MRPS18B: variants seen among roughly 807,000 people sequenced by gnomAD.
MRPS18B encodes the protein small ribosomal subunit protein mS40.
A neutral mutation model predicts 28.4 loss-of-function variants in MRPS18B; 27 were observed. The ratio of observed to expected loss-of-function variants is 0.95; its 90% CI spans 0.70 to 1.31. MRPS18B has a LOEUF of 1.31. MRPS18B is among the 40% of genes most tolerant of loss of function. The pLI is 0.00. For synonymous variants in MRPS18B, 118 were observed against 123.7 expected (o/e 0.95, Z 0.30); for missense variants, 343 against 335.9 (o/e 1.02, Z -0.17).
chr6:30,624,787 C>T, intron 5 of MRPS18B, 96 bp from the exon 6 acceptor site: 1 of 1,398,538 alleles, frequency 7.2e-7, no homozygotes, highest in South Asian at 1.2e-5. Context: ...TAGGTAAAGC[C>T]AATCCTTCCC....
chr6:30,617,977 A>G (rs749305058), intron 1 of MRPS18B, 34 bp downstream of exon 1: 18 of 1,610,664 alleles, frequency 1.1e-5, no homozygotes, highest in Non-Finnish European at 1.4e-5. Flanking sequence ...CACAACCTCA[A>G]GTTGGTTATA....
In MRPS18B at chr6:30,620,509, G is replaced by T. The variant is rs187381218; in HGVS notation, c.354+520G>T. ...AGCCTTTTACCTTCTACTATGGATT[G>T]TACTGAAAGTTTTATCCTATGCCTA... On this transcript the variant is annotated intron_variant, in intron 4 of 6. Transcript: ENST00000259873. Among the ~76,000 whole-genome samples, 6 of 151,770 alleles carry T rather than the reference G, an allele frequency of 4.0e-5. 1 individual carries two copies. In the East Asian group the frequency reaches 1.2e-3, roughly 29 times the overall value.
At chr6:30,620,479 C>T (rs180879799) in intron 4 of MRPS18B, among the ~76,000 whole-genome samples, 2 of 152,220 alleles carry the variant, frequency 1.3e-5, no homozygotes, top group Admixed American at 6.5e-5. Context: ...TAAAAACATC[C>T]CTCCAGCCTT....
chr6:30,624,318 ACTC>A (rs915398212), intron 5 of MRPS18B, among the ~76,000 whole-genome samples: 2 of 148,684 alleles, frequency 1.3e-5, no homozygotes. Context: ...CTGGTCTTGA[ACTC>A]CTGACCTCAA....
chr6:30,619,420 C>A, intron 1 of MRPS18B, 73 bp from the exon 2 acceptor site: 1 of 1,275,076 alleles, frequency 7.8e-7, no homozygotes, highest in Non-Finnish European at 1.1e-6. Context: ...TCCTCCTTTC[C>A]AAAGTGTGAT....
chr6:30,619,430 TAAGC>T, intron 1 of MRPS18B, 59 bp from the exon 2 acceptor site: 2 of 1,379,288 alleles, frequency 1.5e-6, no homozygotes, highest in Non-Finnish European at 2.0e-6. Context: ...CAAAGTGTGA[TAAGC>T]AAAACAATTT....
chr6:30,621,653 A>C (rs1761166539), intron 4 of MRPS18B, among the ~76,000 whole-genome samples: 1 of 152,150 alleles, frequency 6.6e-6, no homozygotes, highest in Non-Finnish European at 1.5e-5. Flanking sequence ...GGTTATAAAA[A>C]GAGATTATGG....
In MRPS18B at chr6:30,619,749, C is replaced by CT; in HGVS notation, c.229dup (p.Tyr77LeufsTer23). ...ATGGTTCTCGCCCCGTCTGGGCTGA[C>CT]TACCGCCGCAACCACAAGGGTGGTG... On this transcript the variant is annotated frameshift_variant, in exon 3 of 7. Coordinates refer to ENST00000259873, the MANE Select transcript of MRPS18B (RefSeq NM_014046.4). LOFTEE classifies it high-confidence loss of function. The CT allele has an allele frequency of 6.2e-7, 1 of 1,614,258 alleles. No individual in the cohort carries two copies. The highest frequency in any genetic ancestry group is 1.6e-4 in the Middle Eastern group (1 of 6,062).
In MRPS18B at chr6:30,619,951, C is replaced by G. The variant is rs747927627; in HGVS notation, c.316C>G (p.Pro106Ala). The change falls in exon 4 of 7, where the codon CCC becomes GCC. Residue 106 changes from proline (P) to alanine (A), a missense_variant. Physicochemically the swap from Pro to Ala is conservative, Grantham distance 27 (BLOSUM62 -1). Transcript: ENST00000259873. ...RRNKVVGNPC[P>A]ICRDHKLHVD... ...GAATAAAGTTGTTGGGAATCCCTGC[C>G]CCATCTGTCGAGATCACAAGTTGCA... 6 of 1,613,958 alleles carry G rather than the reference C, an allele frequency of 3.7e-6. No homozygotes were observed. In the Admixed American group the frequency reaches 6.7e-5, roughly 18 times the overall value.
At chr6:30,621,114 CAT>C (rs1406447699) in intron 4 of MRPS18B, among the ~76,000 whole-genome samples, 1 of 152,150 alleles carries the variant, frequency 6.6e-6, no homozygotes, top group Non-Finnish European at 1.5e-5. Context: ...AATTTGAAAA[CAT>C]ATTGGCTGGG....
In MRPS18B at chr6:30,622,905, C is replaced by T. The variant is rs1231620056; in HGVS notation, c.421+7C>T. 1.9e-6 allele frequency: 3 copies of T among 1,612,402 alleles called. No homozygotes were observed. The highest frequency in any genetic ancestry group is 2.7e-5 in the African/African-American group (2 of 74,892). ...TTCTATGCTCCATACACAGGTTAGCCCATCATCCCTGCACCACCAGAGAGC... is the reference window on the plus strand; with the variant it reads ...TTCTATGCTCCATACACAGGTTAGCTCATCATCCCTGCACCACCAGAGAGC... On this transcript the variant is annotated splice_region_variant and intron_variant, in intron 5 of 6. Coordinates refer to ENST00000259873, the MANE Select transcript of MRPS18B (RefSeq NM_014046.4).
chr6:30,619,836 C>T (rs2302347), intron 3 of MRPS18B, 30 bp downstream of exon 3: 34,599 of 1,609,896 alleles, frequency 0.021, 725 homozygotes, highest in African/African-American at 0.11. Context: ...ATGTGGAGTG[C>T]GGGGAGGCCA....
Position 30,619,582 on chromosome 6 carries a change from G to A in MRPS18B, c.168G>A (p.Trp56Ter), listed in dbSNP as rs1486671825. 4 of 1,612,776 alleles carry A rather than the reference G, an allele frequency of 2.5e-6. No individual in the cohort carries two copies. Among genetic ancestry groups the A allele is most frequent in the Non-Finnish European group, 3.4e-6 (4 of 1,179,772 alleles). Residue 56 changes from tryptophan (W) to a stop codon, truncating the protein, a stop_gained, in exon 2 of 7, where the codon TGG becomes TGA. Coordinates refer to ENST00000259873, the MANE Select transcript of MRPS18B (RefSeq NM_014046.4). LOFTEE classifies it high-confidence loss of function. The part of the protein sequence containing the change: ...VPISPYKDEP[W>*]KYLESEEYQE... ...TTTCTCCTTATAAGGATGAGCCCTGGAAATATCTGGAATCAGAAGGTACCT... is the reference window on the plus strand; with the variant it reads ...TTTCTCCTTATAAGGATGAGCCCTGAAAATATCTGGAATCAGAAGGTACCT...
rs1761560032 is a variant in MRPS18B at position 30,626,006 on chromosome 6, G to A, written c.*209G>A. The A allele has an allele frequency of 1.9e-6, 1 of 534,144 alleles. No individual in the cohort carries two copies. The highest frequency in any genetic ancestry group is 3.2e-6 in the Non-Finnish European group (1 of 308,184). The allele number at this position is 534,144 out of a possible 1,614,324, so 33.1% of individuals were successfully genotyped here. A position where few individuals can be genotyped will look rare whatever the true frequency, so the allele number is the denominator to read the frequency against. On this transcript the variant is annotated 3_prime_UTR_variant, in exon 7 of 7. Coordinates refer to ENST00000259873, the MANE Select transcript of MRPS18B (RefSeq NM_014046.4). ...AGTCTCAACTATTGGGGAGGCTAAGGTAGGATCACTTGATCCCAGGAGGCG... is the reference window on the plus strand; with the variant it reads ...AGTCTCAACTATTGGGGAGGCTAAGATAGGATCACTTGATCCCAGGAGGCG...
chr6:30,622,978 G>C (rs9262123), intron 5 of MRPS18B, 80 bp downstream of exon 5: 8 of 1,391,240 alleles, frequency 5.8e-6, no homozygotes, highest in Non-Finnish European at 8.1e-6. Context: ...ATAGGTATTT[G>C]TTCAGTGGCT....
Position 30,623,941 on chromosome 6 carries a change from A to G in MRPS18B, c.422-942A>G, listed in dbSNP as rs534452789. On this transcript the variant is annotated intron_variant, in intron 5 of 6. Coordinates refer to ENST00000259873, the MANE Select transcript of MRPS18B (RefSeq NM_014046.4). ...CAGGCACATGCCACCATGTCCGGCA[A>G]ATAGAGATGGGGTTTCTCCATGTTG... Among the ~76,000 whole-genome samples, 7 of 152,096 alleles carry G rather than the reference A, an allele frequency of 4.6e-5. No individual in the cohort carries two copies. In the South Asian group the frequency reaches 1.2e-3, roughly 27 times the overall value.
intron 1 of MRPS18B, 139 bp downstream of exon 1, chr6:30,618,082 C>CG (rs1176929788): frequency 2.3e-4 from 187 of 802,446 alleles, no homozygotes; most frequent in Middle Eastern, 3.5e-4. Flanking sequence ...CTGCAACCCC[C>CG]CCCCCACACC....
At chr6:30,623,031 C>T in intron 5 of MRPS18B, 133 bp downstream of exon 5, 1 of 883,222 alleles carries the variant, frequency 1.1e-6, no homozygotes, top group Non-Finnish European at 1.8e-6. Flanking sequence ...TTTTGGAAAT[C>T]TTGGCTTGCT....
At chr6:30,618,060 A>G in intron 1 of MRPS18B, 117 bp downstream of exon 1, 1 of 1,053,612 alleles carries the variant, frequency 9.5e-7, no homozygotes, top group Non-Finnish European at 1.4e-6. Flanking sequence ...TTAGCTGTCT[A>G]GGCAGTACTT....
Sources: allele counts gnomAD v4.1 joint callset (sites outside exome capture counted in the v4.1 genomes callset), GRCh38; gene constraint gnomAD v4.1.1; transcripts MANE v1.5; gene names NCBI Gene and HGNC (gene_info 2026-07-23, HGNC 2026-07-21).